Variants in CACNB2 observed in about 807,000 individuals in gnomAD.
The protein encoded by CACNB2 is calcium voltage-gated channel auxiliary subunit beta 2.
A neutral mutation model predicts 73.3 loss-of-function variants in CACNB2; 42 were observed. That is an observed-to-expected ratio of 0.57 (90% CI 0.45 to 0.74). The LOEUF (loss-of-function observed/expected upper bound fraction) is 0.74, where lower values mean the gene tolerates loss of function less well. Among genes scored for constraint, CACNB2 ranks in the 30% least tolerant of loss-of-function variants. The pLI, the probability that CACNB2 is intolerant of heterozygous loss-of-function variation, is 0.00. For synonymous variants in CACNB2, 348 were observed against 310.3 expected, an observed-to-expected ratio of 1.12 and a Z score of -1.28; for missense variants, 940 against 853.0, an observed-to-expected ratio of 1.10 and a Z score of -1.27.
chr10:18,382,406 G>A (rs2043057188), intron 2 of CACNB2, among the ~76,000 whole-genome samples: 1 of 151,782 alleles, frequency 6.6e-6, no homozygotes, highest in Non-Finnish European at 1.5e-5. Context: ...TAAGTTCCTG[G>A]GTACATGTGC....
At chr10:18,411,454 A>G (rs907425136) in intron 3 of CACNB2, among the ~76,000 whole-genome samples, 1 of 151,588 alleles carries the variant, frequency 6.6e-6, no homozygotes, top group Non-Finnish European at 1.5e-5. Context: ...ACTGCTCATT[A>G]TAGACAATTT....
At chr10:18,177,000 C>T (rs756376643) in intron 2 of CACNB2, among the ~76,000 whole-genome samples, 3 of 151,944 alleles carry the variant, frequency 2.0e-5, no homozygotes, top group Admixed American at 6.6e-5. Context: ...GGGAGGTACC[C>T]TCCACATTTT....
At chr10:18,443,014 G>GTA (rs71402168) in intron 3 of CACNB2, among the ~76,000 whole-genome samples, 732 of 16,468 alleles carry the variant, frequency 0.044, 88 homozygotes, top group Admixed American at 0.054. Context: ...ATATATATAT[G>GTA]TATATATATA....
chr10:18,380,167 A>T (rs946633982), intron 2 of CACNB2, among the ~76,000 whole-genome samples: 2 of 152,192 alleles, frequency 1.3e-5, no homozygotes, highest in African/African-American at 4.8e-5. Context: ...TTTTAATTCA[A>T]TCAGGTTAAA....
At chr10:18,518,236 A>G (rs541971660) in intron 7 of CACNB2, 100 bp from the exon 8 acceptor site, 3 of 822,838 alleles carry the variant, frequency 3.6e-6, no homozygotes, top group Middle Eastern at 4.4e-4. Flanking sequence ...CTGGAAAGCC[A>G]GTGCCTCATA....
chr10:18,143,024 CAG>C (rs2030584471), intron 1 of CACNB2, among the ~76,000 whole-genome samples: 1 of 152,214 alleles, frequency 6.6e-6, no homozygotes, highest in African/African-American at 2.4e-5. Flanking sequence ...GTACATGAAA[CAG>C]AGTCCCAGAA....
At position 18,150,997 on chromosome 10, in the gene CACNB2, T is replaced by C. The variant is rs79819217; in HGVS notation, c.213+22T>C. ...CCAGGTAAGAGTTTTAAGTTCATGG[T>C]TTTGATAAGTACCTTAAAATGACTT... On this transcript the variant is annotated intron_variant, in intron 2 of 13. Coordinates refer to ENST00000324631, the MANE Select transcript of CACNB2 (RefSeq NM_201596.3). 158,969 of 1,400,034 alleles carry C rather than the reference T, an allele frequency of 0.11. 9,770 individuals are homozygous for C. The highest frequency in any genetic ancestry group is 0.15 in the Middle Eastern group (817 of 5,624). The allele number at this position is 1,400,034 out of a possible 1,614,324, so 86.7% of individuals were successfully genotyped here.
intron 2 of CACNB2, among the ~76,000 whole-genome samples, chr10:18,278,126 A>G (rs899481979): frequency 1.8e-4 from 28 of 152,348 alleles, no homozygotes; most frequent in African/African-American, 5.8e-4. Flanking sequence ...TAATTTTAAG[A>G]TTAATTATAT....
chr10:18,349,865 TA>T (rs1250369868), intron 2 of CACNB2, among the ~76,000 whole-genome samples: 5 of 152,190 alleles, frequency 3.3e-5, no homozygotes, highest in Non-Finnish European at 7.3e-5. Context: ...TCACAATGCT[TA>T]AAATACAATT....
At chr10:18,489,560 G>A (rs2049288975) in intron 3 of CACNB2, among the ~76,000 whole-genome samples, 1 of 151,766 alleles carries the variant, frequency 6.6e-6, no homozygotes, top group Non-Finnish European at 1.5e-5. Flanking sequence ...ACAAGCGTGT[G>A]CCACAGTGAA....
intron 3 of CACNB2, among the ~76,000 whole-genome samples, chr10:18,438,491 A>C (rs990074717): frequency 6.6e-6 from 1 of 152,188 alleles, no homozygotes; most frequent in Non-Finnish European, 1.5e-5. Flanking sequence ...TCAAGGCCCA[A>C]CAGCCAATGG....
intron 2 of CACNB2, among the ~76,000 whole-genome samples, chr10:18,353,297 C>G (rs1469752317): frequency 6.6e-6 from 1 of 152,046 alleles, no homozygotes; most frequent in Non-Finnish European, 1.5e-5. Context: ...GTAATCCCAG[C>G]TACTCTGGAG....
chr10:18,305,576 A>G (rs757661114), intron 2 of CACNB2, among the ~76,000 whole-genome samples: 3 of 152,230 alleles, frequency 2.0e-5, no homozygotes, highest in Non-Finnish European at 4.4e-5. Flanking sequence ...TGTAATAGCC[A>G]TTTATATCAA....
chr10:18,314,402 T>C (rs758844153), intron 2 of CACNB2, among the ~76,000 whole-genome samples: 19 of 152,206 alleles, frequency 1.2e-4, no homozygotes, highest in South Asian at 4.1e-4. Context: ...GGGAAAATGA[T>C]TGGGCTATCT....
At chr10:18,463,605 GT>G (rs773352662) in intron 3 of CACNB2, among the ~76,000 whole-genome samples, 6 of 145,944 alleles carry the variant, frequency 4.1e-5, no homozygotes, top group African/African-American at 1.0e-4. Flanking sequence ...GTTGTTTTTT[GT>G]TTTTTTTTTG....
chr10:18,393,040 C>G (rs907270236), intron 2 of CACNB2, among the ~76,000 whole-genome samples: 2 of 152,072 alleles, frequency 1.3e-5, no homozygotes, highest in African/African-American at 2.4e-5. Flanking sequence ...GAAACCCCAT[C>G]TCTACTAAAA....
chr10:18,524,473 TG>T (rs1425604714), intron 9 of CACNB2, among the ~76,000 whole-genome samples: 2 of 151,278 alleles, frequency 1.3e-5, no homozygotes, highest in Non-Finnish European at 2.9e-5. Context: ...CTGGCCAACA[TG>T]GTGATACCTG....
At chr10:18,148,861 T>C (rs2031247938) in intron 1 of CACNB2, among the ~76,000 whole-genome samples, 1 of 151,876 alleles carries the variant, frequency 6.6e-6, no homozygotes, top group Non-Finnish European at 1.5e-5. Flanking sequence ...AGCACGGCAA[T>C]GTGTGCCTGT....
At chr10:18,301,037 G>C (rs1233609450) in intron 2 of CACNB2, among the ~76,000 whole-genome samples, 1 of 152,152 alleles carries the variant, frequency 6.6e-6, no homozygotes, top group East Asian at 1.9e-4. Context: ...ACCCAAAAGT[G>C]AAAGTGAGAT....
Sources: gnomAD v4.1 joint callset for allele counts (sites outside exome capture counted in the v4.1 genomes callset) on GRCh38, gnomAD v4.1.1 for gene constraint, MANE v1.5 for transcripts, NCBI Gene and HGNC (gene_info 2026-07-23, HGNC 2026-07-21) for gene names.